Variants in TBX15 observed in about 807,000 individuals in gnomAD.
TBX15 encodes T-box transcription factor 15, also known as T-box transcription factor TBX15.
In TBX15, 18 loss-of-function variants were observed where a neutral mutation model predicts 53.9. The ratio of observed to expected loss-of-function variants is 0.33; its 90% CI spans 0.23 to 0.49. The LOEUF (loss-of-function observed/expected upper bound fraction) is 0.49, where lower values mean the gene tolerates loss of function less well. Among genes scored for constraint, TBX15 ranks in the 20% least tolerant of loss-of-function variants. The pLI is 0.98. For missense variants in TBX15, 692 were observed against 749.5 expected, an observed-to-expected ratio of 0.92 and a Z score of 0.90; for synonymous variants, 295 against 278.0, an observed-to-expected ratio of 1.06 and a Z score of -0.61.
intron 7 of TBX15, among the ~76,000 whole-genome samples, chr1:118,892,311 G>A (rs935227272): frequency 1.3e-5 from 2 of 152,118 alleles, no homozygotes; most frequent in South Asian, 4.1e-4. Context: ...AGTGTCCCTG[G>A]CAAATTGGCA....
At chr1:118,885,882 T>G (rs931836396) in intron 7 of TBX15, among the ~76,000 whole-genome samples, 4 of 152,242 alleles carry the variant, frequency 2.6e-5, no homozygotes, top group Non-Finnish European at 5.9e-5. Flanking sequence ...ATAAGACCTC[T>G]GATGTCAGCA....
intron 7 of TBX15, chr1:118,890,743 C>G (rs1654110792): frequency 2.3e-6 from 1 of 439,184 alleles, no homozygotes; most frequent in Non-Finnish European, 3.9e-6. Flanking sequence ...AATATAAGGG[C>G]TTTCACATAC....
chr1:118,894,567 G>A (rs1382512933), intron 7 of TBX15, among the ~76,000 whole-genome samples: 2 of 152,154 alleles, frequency 1.3e-5, no homozygotes, highest in African/African-American at 2.4e-5. Flanking sequence ...AAGACATTAA[G>A]GTCATGCAGT....
chr1:118,886,753 C>A (rs1304788003), intron 7 of TBX15, among the ~76,000 whole-genome samples: 1 of 152,194 alleles, frequency 6.6e-6, no homozygotes, highest in Non-Finnish European at 1.5e-5. Flanking sequence ...GTCTCTGATT[C>A]TGTAAGTCTG....
rs777994987 is a variant in TBX15, at chr1:118,885,627, T to A, written c.1025-111A>T. The A allele has an allele frequency of 2.5e-4, 338 of 1,344,370 alleles. 1 individual carries two copies. The highest frequency in any genetic ancestry group is 3.2e-4 in the Non-Finnish European group (314 of 968,244). 83.3% of individuals were successfully genotyped at this position (1,344,370 alleles called of 1,614,324 possible). ...CTTCAAATGTCCAAGATAGGGCTGA[T>A]TTTTACAGAACCATTTTTCCTCTTA... On this transcript the variant is annotated intron_variant, in intron 7 of 7. Transcript: ENST00000369429.
intron 1 of TBX15, among the ~76,000 whole-genome samples, chr1:118,944,736 C>A (rs1656292847): frequency 6.6e-6 from 1 of 152,218 alleles, no homozygotes; most frequent in Non-Finnish European, 1.5e-5. Flanking sequence ...CATTTAAGCA[C>A]TGTCAGAGTT....
intron 1 of TBX15, among the ~76,000 whole-genome samples, chr1:118,953,010 G>A (rs1366150964): frequency 6.6e-6 from 1 of 151,800 alleles, no homozygotes; most frequent in Non-Finnish European, 1.5e-5. Flanking sequence ...GGAAAGAGAG[G>A]CACTTCATGT....
intron 1 of TBX15, among the ~76,000 whole-genome samples, chr1:118,961,588 G>A (rs1249696401): frequency 6.6e-6 from 1 of 152,100 alleles, no homozygotes; most frequent in African/African-American, 2.4e-5. Flanking sequence ...GCCAAAAAAG[G>A]ATAAGAAGTT....
chr1:118,940,316 C>T (rs1042885932), intron 1 of TBX15, among the ~76,000 whole-genome samples: 2 of 151,860 alleles, frequency 1.3e-5, no homozygotes, highest in African/African-American at 4.9e-5. Context: ...CTATAAAAGG[C>T]CTCTTTTGCT....
intron 1 of TBX15, among the ~76,000 whole-genome samples, chr1:118,943,066 G>A (rs1656238529): frequency 1.3e-5 from 2 of 152,160 alleles, no homozygotes; most frequent in Non-Finnish European, 1.5e-5. Context: ...TAACCTTTCT[G>A]AGCCAATTTC....
chr1:118,928,455 A>G (rs751406788), intron 2 of TBX15, among the ~76,000 whole-genome samples: 6 of 152,184 alleles, frequency 3.9e-5, no homozygotes, highest in Admixed American at 6.5e-5. Flanking sequence ...AACATTCACT[A>G]TAGGTTAGGC....
chr1:118,956,836 G>A (rs976601215), intron 1 of TBX15, among the ~76,000 whole-genome samples: 7 of 151,894 alleles, frequency 4.6e-5, no homozygotes, highest in East Asian at 3.9e-4. Flanking sequence ...GGTGGTGGGC[G>A]CCTGTAGTCC....
intron 7 of TBX15, among the ~76,000 whole-genome samples, chr1:118,889,142 C>T (rs538109306): frequency 1.3e-5 from 2 of 152,318 alleles, no homozygotes; most frequent in Admixed American, 1.3e-4. Flanking sequence ...GGTCACCTTG[C>T]TTCCATGCAC....
At chr1:118,964,096 T>C (rs1210073628) in intron 1 of TBX15, among the ~76,000 whole-genome samples, 1 of 152,182 alleles carries the variant, frequency 6.6e-6, no homozygotes, top group African/African-American at 2.4e-5. Context: ...ACCCACAGAA[T>C]CAGGAGCAAA....
Position 118,885,496 on chromosome 1 carries a change from G to C in TBX15, c.1045C>G (p.Pro349Ala). ...KQQGGSTGTSPTTSSTGTPSP... is the reference protein window; with the variant it reads ...KQQGGSTGTSATTSSTGTPSP... Reference sequence around the variant, plus strand: ...GGTGTCCCAGTGCTGGAGGTGGTTGGGGAAGTGCCTGTGCTGCCTCCTGAA... The same window carrying C: ...GGTGTCCCAGTGCTGGAGGTGGTTGCGGAAGTGCCTGTGCTGCCTCCTGAA... The change falls in exon 8 of 8, where the codon CCA (proline) becomes GCA (alanine). Residue 349 changes from proline to alanine, a missense_variant. Physicochemically the swap from Pro to Ala is conservative, Grantham distance 27. Transcript: ENST00000369429. 6.3e-7 allele frequency: 1 copy of C among 1,597,486 alleles called. No homozygotes were observed. Among genetic ancestry groups the C allele is most frequent in the Non-Finnish European group, 8.5e-7 (1 of 1,170,770 alleles).
At chr1:118,942,843 C>T (rs10923702) in intron 1 of TBX15, among the ~76,000 whole-genome samples, 27,079 of 152,172 alleles carry the variant, frequency 0.18, 3,123 homozygotes, top group East Asian at 0.54. Context: ...TCTACAAATG[C>T]TAGAGCTAGT....
rs182647281 is a variant in TBX15, at chr1:118,939,262, C to T, written c.206-7430G>A. Among the ~76,000 whole-genome samples, 102 of 151,688 alleles carry T rather than the reference C, an allele frequency of 6.7e-4. 1 individual carries two copies. Among genetic ancestry groups the T allele is most frequent in the Non-Finnish European group, 1.4e-3 (94 of 67,890 alleles). On this transcript the variant is annotated intron_variant, in intron 1 of 7. Coordinates refer to ENST00000369429, the MANE Select transcript of TBX15 (RefSeq NM_001330677.2). ...TCCCTACTAAAAATCCAAAAATTAGCCAGGCATGATGGCACGTGCCTGTAG... is the reference window on the plus strand; with the variant it reads ...TCCCTACTAAAAATCCAAAAATTAGTCAGGCATGATGGCACGTGCCTGTAG...
chr1:118,915,133 G>C (rs1269769689), intron 5 of TBX15, among the ~76,000 whole-genome samples: 1 of 152,160 alleles, frequency 6.6e-6, no homozygotes, highest in Non-Finnish European at 1.5e-5. Context: ...TGTCTGAATT[G>C]TTAATGACTC....
At chr1:118,927,438 A>G (rs776833442) in intron 2 of TBX15, among the ~76,000 whole-genome samples, 26 of 152,232 alleles carry the variant, frequency 1.7e-4, no homozygotes, top group Non-Finnish European at 2.4e-4. Flanking sequence ...CACTCTAAAA[A>G]TAGTCTCTCA....
Sources: gnomAD v4.1 joint callset for allele counts (sites outside exome capture counted in the v4.1 genomes callset) on GRCh38, gnomAD v4.1.1 for gene constraint, MANE v1.5 for transcripts, NCBI Gene and HGNC (gene_info 2026-07-23, HGNC 2026-07-21) for gene names.